Variants in DESI2 observed in about 807,000 individuals in gnomAD.
DESI2 encodes the protein deubiquitinase DESI2.
Under a neutral mutation model 24.1 loss-of-function variants are expected in DESI2, and 10 were observed. The ratio of observed to expected loss-of-function variants is 0.41; its 90% CI spans 0.26 to 0.70. DESI2 has a LOEUF of 0.70. Ranked by LOEUF, DESI2 falls within the 30% of genes least tolerant of loss-of-function variation. DESI2 has a pLI of 0.29. For missense variants in DESI2, 122 were observed against 234.9 expected, an observed-to-expected ratio of 0.52 and a Z score of 3.14; for synonymous variants, 71 against 87.7, an observed-to-expected ratio of 0.81 and a Z score of 1.06.
At chr1:244,668,383 A>G (rs1210557530) in intron 1 of DESI2, among the ~76,000 whole-genome samples, 8 of 152,164 alleles carry the variant, frequency 5.3e-5, no homozygotes, top group African/African-American at 1.9e-4. Context: ...AAAGACAGTA[A>G]TTAGCCCACG....
rs536386425 is a variant in DESI2 at position 244,707,412 on chromosome 1, G to A, written c.*1623G>A. The A allele has an allele frequency of 2.0e-5, 3 of 152,600 alleles. No individual in the cohort carries two copies. The highest frequency in any genetic ancestry group is 7.2e-5 in the African/African-American group (3 of 41,426). 9.5% of individuals were successfully genotyped at this position (152,600 alleles called of 1,614,324 possible). A position where few individuals can be genotyped will look rare whatever the true frequency, so the allele number is the denominator to read the frequency against. On this transcript the variant is annotated 3_prime_UTR_variant, in exon 5 of 5. Transcript: ENST00000302550. ...TATGCTTTCGACTGTTCTGTTTCCA[G>A]AGAGGAAAGCCTTTACAAATTACTC...
intron 1 of DESI2, among the ~76,000 whole-genome samples, chr1:244,658,120 A>T (rs1032961766): frequency 6.6e-6 from 1 of 152,206 alleles, no homozygotes; most frequent in Non-Finnish European, 1.5e-5. Context: ...CTCTATTCAT[A>T]TAATAGCCTC....
At chr1:244,664,359 T>C (rs987758194) in intron 1 of DESI2, among the ~76,000 whole-genome samples, 2 of 152,132 alleles carry the variant, frequency 1.3e-5, no homozygotes, top group African/African-American at 4.8e-5. Context: ...CATTAAGATG[T>C]ATTATTGGGA....
chr1:244,690,670 A>T (rs904118558), intron 3 of DESI2, among the ~76,000 whole-genome samples: 3 of 150,432 alleles, frequency 2.0e-5, no homozygotes, highest in Non-Finnish European at 4.4e-5. Context: ...GCGCCATTGC[A>T]CTCCAGCCTG....
At chr1:244,670,466 A>G (rs1676208683) in intron 1 of DESI2, among the ~76,000 whole-genome samples, 1 of 152,238 alleles carries the variant, frequency 6.6e-6, no homozygotes, top group Non-Finnish European at 1.5e-5. Context: ...ATTTGAGGGA[A>G]GGATCTTATT....
intron 1 of DESI2, among the ~76,000 whole-genome samples, chr1:244,669,027 G>A (rs1362575698): frequency 1.3e-5 from 2 of 151,982 alleles, no homozygotes; most frequent in African/African-American, 4.8e-5. Flanking sequence ...GTGAGACAGG[G>A]TCTTACTTTG....
At chr1:244,696,396 T>A (rs966269727) in intron 4 of DESI2, among the ~76,000 whole-genome samples, 1 of 151,942 alleles carries the variant, frequency 6.6e-6, no homozygotes, top group South Asian at 2.1e-4. Context: ...CTGAGGCGGG[T>A]AGGTTGCTTG....
At chr1:244,685,915 C>T (rs2148804233) in intron 1 of DESI2, among the ~76,000 whole-genome samples, 1 of 152,296 alleles carries the variant, frequency 6.6e-6, no homozygotes, top group South Asian at 2.1e-4. Flanking sequence ...ACATCCTCTT[C>T]CCTCTTCCTG....
At chr1:244,664,358 GTAT>G (rs778910387) in intron 1 of DESI2, among the ~76,000 whole-genome samples, 33 of 152,292 alleles carry the variant, frequency 2.2e-4, no homozygotes, top group Middle Eastern at 6.8e-3. Context: ...TCATTAAGAT[GTAT>G]TATTGGGAGA....
At chr1:244,673,492 T>C (rs1262724914) in intron 1 of DESI2, among the ~76,000 whole-genome samples, 1 of 152,264 alleles carries the variant, frequency 6.6e-6, no homozygotes, top group African/African-American at 2.4e-5. Context: ...CTGTTTTCCT[T>C]GTGACTAAAA....
At chr1:244,696,692 T>A (rs1243883306) in intron 4 of DESI2, among the ~76,000 whole-genome samples, 2 of 152,318 alleles carry the variant, frequency 1.3e-5, no homozygotes, top group East Asian at 3.9e-4. Context: ...ATCATAGGCC[T>A]AAAACTGCTG....
Position 244,692,037 on chromosome 1 carries a change from C to T in DESI2, c.351+17C>T, listed in dbSNP as rs201044931. On this transcript the variant is annotated intron_variant, in intron 4 of 4. Coordinates refer to ENST00000302550, the MANE Select transcript of DESI2 (RefSeq NM_016076.5). ...TTATCAGAGGTAAGCTAAATTTTATCCTAAAAGTTCTTCAAATAAATATTT... is the reference window on the plus strand; with the variant it reads ...TTATCAGAGGTAAGCTAAATTTTATTCTAAAAGTTCTTCAAATAAATATTT... The T allele has an allele frequency of 4.0e-5, 63 of 1,570,770 alleles. No homozygotes were observed. In the African/African-American group the frequency reaches 6.5e-4, roughly 16 times the overall value.
intron 4 of DESI2, among the ~76,000 whole-genome samples, chr1:244,703,802 G>A (rs1677578437): frequency 6.6e-6 from 1 of 152,006 alleles, no homozygotes. Context: ...GGGACTACAG[G>A]TGCCCGCCAC....
intron 4 of DESI2, among the ~76,000 whole-genome samples, chr1:244,694,044 G>A (rs1224163441): frequency 6.6e-6 from 1 of 152,124 alleles, no homozygotes; most frequent in African/African-American, 2.4e-5. Context: ...CATAGTGTGG[G>A]GACGTATGTC....
At chr1:244,661,182 TC>T (rs1200709599) in intron 1 of DESI2, among the ~76,000 whole-genome samples, 1 of 152,154 alleles carries the variant, frequency 6.6e-6, no homozygotes, top group African/African-American at 2.4e-5. Context: ...CATTTCTCCC[TC>T]CCCTCAGTCC....
chr1:244,659,502 C>T (rs1053991010), intron 1 of DESI2, among the ~76,000 whole-genome samples: 1 of 152,180 alleles, frequency 6.6e-6, no homozygotes, highest in Non-Finnish European at 1.5e-5. Flanking sequence ...TTCCTTCCTG[C>T]TGTCAGCTGG....
intron 1 of DESI2, among the ~76,000 whole-genome samples, chr1:244,658,246 C>G (rs1675713882): frequency 6.6e-6 from 1 of 152,074 alleles, no homozygotes; most frequent in Non-Finnish European, 1.5e-5. Flanking sequence ...ATGATGTGGC[C>G]CCTGGCTGAC....
intron 4 of DESI2, among the ~76,000 whole-genome samples, chr1:244,695,117 G>T (rs367676562): frequency 6.6e-6 from 1 of 152,190 alleles, no homozygotes. Flanking sequence ...CGGCAGGCCA[G>T]CTCCCTTTAT....
intron 1 of DESI2, chr1:244,656,217 A>T (rs1376895888): frequency 6.6e-6 from 1 of 152,086 alleles, no homozygotes; most frequent in Non-Finnish European, 1.5e-5. Flanking sequence ...GGTTATAGGG[A>T]CCTCTTGCCA....
Sources: allele counts gnomAD v4.1 joint callset (sites outside exome capture counted in the v4.1 genomes callset), GRCh38; gene constraint gnomAD v4.1.1; transcripts MANE v1.5; gene names NCBI Gene and HGNC (gene_info 2026-07-23, HGNC 2026-07-21).